The following CASD1 variants were observed in gnomAD, a reference collection of about 807,000 sequenced individuals.
The protein encoded by CASD1 is N-acetylneuraminate (7)9-O-acetyltransferase.
CASD1 carries 41 observed loss-of-function variants against 100.0 expected under a neutral mutation model. The observed-to-expected ratio is 0.41, with a 90% CI of 0.32 to 0.53. CASD1 has a LOEUF of 0.53. Among genes scored for constraint, CASD1 ranks in the 20% least tolerant of loss-of-function variants. The pLI is 0.25. For synonymous variants in CASD1, 321 were observed against 315.6 expected, an observed-to-expected ratio of 1.02 and a Z score of -0.18; for missense variants, 774 against 948.7, an observed-to-expected ratio of 0.82 and a Z score of 2.42.
the CASD1 span, among the ~76,000 whole-genome samples, chr7:94,616,707 T>TA: frequency 6.6e-6 from 1 of 152,214 alleles, no homozygotes; most frequent in African/African-American, 2.4e-5. Flanking sequence ...CATGATTTTA[T>TA]ATAACAACTA....
chr7:94,595,892 T>C, the CASD1 span, among the ~76,000 whole-genome samples: 1 of 152,066 alleles, frequency 6.6e-6, no homozygotes, highest in Non-Finnish European at 1.5e-5. Context: ...CACTCAACAC[T>C]GAAACGACAC....
At chr7:94,554,131 C>G (rs1796090248) in intron 16 of CASD1, 1 of 158,668 alleles carries the variant, frequency 6.3e-6, no homozygotes, top group Non-Finnish European at 1.4e-5. Flanking sequence ...ATGAGAGCAG[C>G]AAAATTATAT....
At chr7:94,613,073 CT>C in the CASD1 span, among the ~76,000 whole-genome samples, 1 of 152,192 alleles carries the variant, frequency 6.6e-6, no homozygotes, top group African/African-American at 2.4e-5. Context: ...CTCAGGTAGC[CT>C]ACTGGCTAAA....
At chr7:94,608,114 C>G in the CASD1 span, among the ~76,000 whole-genome samples, 1 of 152,160 alleles carries the variant, frequency 6.6e-6, no homozygotes, top group African/African-American at 2.4e-5. Flanking sequence ...CAGGCCGAGG[C>G]AGGTGGGTCA....
the CASD1 span, chr7:94,625,704 A>G: frequency 2.6e-5 from 4 of 152,044 alleles, no homozygotes; most frequent in African/African-American, 9.7e-5. Flanking sequence ...ACACTTATCC[A>G]TATTGCTGGG....
chr7:94,585,980 C>G, the CASD1 span, among the ~76,000 whole-genome samples: 1 of 134,270 alleles, frequency 7.4e-6, no homozygotes, highest in Non-Finnish European at 1.5e-5. Flanking sequence ...AGCTAGTGCT[C>G]AAGTCCAGGA....
chr7:94,589,141 G>T, the CASD1 span: 1 of 213,314 alleles, frequency 4.7e-6, no homozygotes, highest in Non-Finnish European at 9.6e-6. Flanking sequence ...ACATTTTCAT[G>T]GAACAACATA....
At chr7:94,531,848 C>A (rs1324037986) in intron 5 of CASD1, among the ~76,000 whole-genome samples, 2 of 151,954 alleles carry the variant, frequency 1.3e-5, no homozygotes, top group Admixed American at 1.3e-4. Context: ...ATTCAGAAGT[C>A]AGAAGACTTA....
At chr7:94,604,046 A>C in the CASD1 span, among the ~76,000 whole-genome samples, 1 of 152,126 alleles carries the variant, frequency 6.6e-6, no homozygotes. Flanking sequence ...CATTAATATA[A>C]GGGTAAAACT....
the CASD1 span, chr7:94,599,625 G>A: frequency 3.5e-6 from 4 of 1,142,780 alleles, no homozygotes; most frequent in East Asian, 2.3e-5. Flanking sequence ...TGACACACAT[G>A]TATGGAGCAT....
chr7:94,592,692 T>A, the CASD1 span, among the ~76,000 whole-genome samples: 438 of 152,296 alleles, frequency 2.9e-3, 1 homozygote, highest in Admixed American at 0.021. Context: ...CAATTATTTC[T>A]TATGTGTACA....
intron 12 of CASD1, among the ~76,000 whole-genome samples, chr7:94,546,520 T>C (rs931268269): frequency 2.0e-5 from 3 of 152,166 alleles, no homozygotes; most frequent in Admixed American, 2.0e-4. Context: ...GTCTAGCCTC[T>C]ATTAAAGTCC....
the CASD1 span, among the ~76,000 whole-genome samples, chr7:94,592,297 T>C: frequency 7.9e-5 from 12 of 152,204 alleles, no homozygotes; most frequent in Non-Finnish European, 1.2e-4. Context: ...ACTCTGCTAG[T>C]TAAGATGCAG....
intron 13 of CASD1, among the ~76,000 whole-genome samples, chr7:94,547,459 A>G (rs1021800643): frequency 6.6e-6 from 1 of 151,914 alleles, no homozygotes; most frequent in African/African-American, 2.4e-5. Context: ...AATGCTTCTT[A>G]TAAGACACTA....
chr7:94,588,258 T>C, the CASD1 span: 2 of 1,041,318 alleles, frequency 1.9e-6, no homozygotes, highest in Non-Finnish European at 2.3e-6. Context: ...AGGCCAGCCA[T>C]TTCTCATTTA....
the CASD1 span, among the ~76,000 whole-genome samples, chr7:94,584,408 C>G: frequency 6.6e-6 from 1 of 152,164 alleles, no homozygotes; most frequent in Admixed American, 6.5e-5. Context: ...CCCTAGTTAA[C>G]TTAGGAAGAA....
the CASD1 span, chr7:94,625,481 T>C: frequency 6.6e-6 from 1 of 152,116 alleles, no homozygotes; most frequent in East Asian, 1.9e-4. Flanking sequence ...CATGTGTTTC[T>C]CTCCTAGCCT....
the CASD1 span, among the ~76,000 whole-genome samples, chr7:94,565,551 T>C: frequency 6.6e-6 from 1 of 152,146 alleles, no homozygotes; most frequent in Admixed American, 6.5e-5. Context: ...GTAGGTGCTG[T>C]TCCTCCCAAA....
intron 3 of CASD1, among the ~76,000 whole-genome samples, chr7:94,525,018 G>A (rs183050717): frequency 1.5e-4 from 23 of 152,186 alleles, no homozygotes; most frequent in Admixed American, 2.6e-4. Context: ...GAGAACGTTC[G>A]TGTGGGTATG....
Sources: gnomAD v4.1 joint callset for allele counts (sites outside exome capture counted in the v4.1 genomes callset) on GRCh38, gnomAD v4.1.1 for gene constraint, MANE v1.5 for transcripts, NCBI Gene and HGNC (gene_info 2026-07-23, HGNC 2026-07-21) for gene names.